The following SLCO1B3 variants were observed in gnomAD, a reference collection of about 807,000 sequenced individuals.
The protein encoded by SLCO1B3 is liver-specific organic anion transporter 2.
Under a neutral mutation model 71.8 loss-of-function variants are expected in SLCO1B3, and 72 were observed. The observed-to-expected ratio is 1.00, with a 90% CI of 0.83 to 1.22. SLCO1B3 has a LOEUF of 1.22. SLCO1B3 is among the 50% of genes most tolerant of loss of function. The pLI is 0.00. For missense variants in SLCO1B3, 911 were observed against 819.7 expected (o/e 1.11, Z -1.36); for synonymous variants, 298 against 278.4 (o/e 1.07, Z -0.70).
At chr12:20,835,405 G>A (rs760361321) in intron 3 of SLCO1B3, among the ~76,000 whole-genome samples, 5 of 152,000 alleles carry the variant, frequency 3.3e-5, no homozygotes, top group African/African-American at 4.8e-5. Flanking sequence ...CTACTGCATT[G>A]CCAGGCTGCA....
chr12:20,883,638 T>C, intron 13 of SLCO1B3, 36 bp downstream of exon 13: 1 of 1,407,690 alleles, frequency 7.1e-7, no homozygotes, highest in Non-Finnish European at 9.7e-7. Context: ...TCATGTATAT[T>C]AGACTAAAAC....
chr12:20,832,635 C>T lies in SLCO1B3; in HGVS notation c.84+16813C>T, dbSNP rs76945517. 7.8e-3 allele frequency among the ~76,000 whole-genome samples: 1,186 copies of T among 152,176 alleles called. 11 individuals are homozygous for T. Among genetic ancestry groups the T allele is most frequent in the African/African-American group, 0.027 (1,136 of 41,522 alleles). On this transcript the variant is annotated intron_variant, in intron 3 of 15. Coordinates refer to ENST00000381545, the MANE Select transcript of SLCO1B3 (RefSeq NM_019844.4). ...GGTTTTATTCTGGGTCTCTTTTCTC[C>T]GGCCATGGTGGCCTTTTTGCTGTTT...
At chr12:20,848,454 A>G (rs1382989629) in intron 3 of SLCO1B3, among the ~76,000 whole-genome samples, 1 of 152,206 alleles carries the variant, frequency 6.6e-6, no homozygotes, top group Non-Finnish European at 1.5e-5. Context: ...AGACAGGCTT[A>G]CTGTACAATC....
intron 3 of SLCO1B3, among the ~76,000 whole-genome samples, chr12:20,837,783 C>A (rs1864714249): frequency 6.6e-6 from 1 of 152,040 alleles, no homozygotes; most frequent in African/African-American, 2.4e-5. Context: ...GTCTATTCTA[C>A]TGTTGTTGGA....
At chr12:20,837,574 A>G (rs554860328) in intron 3 of SLCO1B3, among the ~76,000 whole-genome samples, 7 of 152,056 alleles carry the variant, frequency 4.6e-5, no homozygotes, top group Non-Finnish European at 1.0e-4. Flanking sequence ...TTTGACCTAA[A>G]TGTTACTTAA....
At chr12:20,871,075 A>G (rs536691249) in intron 8 of SLCO1B3, among the ~76,000 whole-genome samples, 6 of 152,174 alleles carry the variant, frequency 3.9e-5, no homozygotes, top group African/African-American at 7.2e-5. Flanking sequence ...TGTATTGTTG[A>G]ATTTGGTTTG....
intron 8 of SLCO1B3, among the ~76,000 whole-genome samples, chr12:20,867,935 A>G (rs1482462834): frequency 6.6e-6 from 1 of 152,104 alleles, no homozygotes; most frequent in African/African-American, 2.4e-5. Flanking sequence ...CCCTAGAGAA[A>G]GCAAGAACAG....
chr12:20,874,497 C>G (rs1427061816), intron 8 of SLCO1B3, among the ~76,000 whole-genome samples: 1 of 152,156 alleles, frequency 6.6e-6, no homozygotes. Context: ...ATTCTGGTAT[C>G]TTGCTGATAT....
intron 8 of SLCO1B3, among the ~76,000 whole-genome samples, chr12:20,871,936 G>A (rs1482545885): frequency 6.6e-6 from 1 of 152,118 alleles, no homozygotes; most frequent in Non-Finnish European, 1.5e-5. Flanking sequence ...AGTTGGCCAA[G>A]CCAGCCAGGT....
intron 3 of SLCO1B3, among the ~76,000 whole-genome samples, chr12:20,826,129 G>A (rs11045530): frequency 0.045 from 6,799 of 151,934 alleles, 401 homozygotes; most frequent in African/African-American, 0.13. Flanking sequence ...AGTGTGTTCC[G>A]GGTGATAAAT....
chr12:20,880,404 CA>C lies in SLCO1B3; in HGVS notation c.1332-450del, dbSNP rs755930432. On this transcript the variant is annotated intron_variant, in intron 11 of 15. Coordinates refer to ENST00000381545, the MANE Select transcript of SLCO1B3 (RefSeq NM_019844.4). ...TGTAAAATTCAACAATGTTAACTAA[CA>C]TGCATAGATTCAGAGGATTTTAAAG... 3.0e-3 allele frequency among the ~76,000 whole-genome samples: 463 copies of C among 151,870 alleles called. 2 individuals carry two copies. The highest frequency in any genetic ancestry group is 4.8e-3 in the Non-Finnish European group (327 of 67,906).
chr12:20,822,589 T>C (rs1829337658), intron 3 of SLCO1B3, among the ~76,000 whole-genome samples: 10 of 152,146 alleles, frequency 6.6e-5, no homozygotes, highest in Admixed American at 6.5e-4. Flanking sequence ...GGGGATGGGA[T>C]GGCTTGGCTT....
chr12:20,874,670 A>G (rs1403474579), intron 8 of SLCO1B3, among the ~76,000 whole-genome samples: 1 of 152,174 alleles, frequency 6.6e-6, no homozygotes, highest in Non-Finnish European at 1.5e-5. Flanking sequence ...AGAGTCCAAT[A>G]TTTCTGGGTT....
intron 15 of SLCO1B3, among the ~76,000 whole-genome samples, chr12:20,909,999 A>C (rs1866343030): frequency 6.6e-6 from 1 of 152,206 alleles, no homozygotes; most frequent in South Asian, 2.1e-4. Context: ...TTTGTCAATA[A>C]GTTCTTTCAT....
chr12:20,833,378 A>C (rs1465394876), intron 3 of SLCO1B3, among the ~76,000 whole-genome samples: 2 of 151,060 alleles, frequency 1.3e-5, no homozygotes, highest in African/African-American at 2.4e-5. Context: ...ATAACATTAC[A>C]TCTATATATT....
chr12:20,869,462 A>G (rs1865438358), intron 8 of SLCO1B3, among the ~76,000 whole-genome samples: 1 of 152,348 alleles, frequency 6.6e-6, no homozygotes, highest in Middle Eastern at 3.4e-3. Flanking sequence ...TGATATTCAT[A>G]TATAATCATA....
chr12:20,821,048 C>T (rs549466756), intron 3 of SLCO1B3, among the ~76,000 whole-genome samples: 115 of 151,532 alleles, frequency 7.6e-4, no homozygotes, highest in Non-Finnish European at 1.4e-3. Context: ...CTCGGCCTGG[C>T]GAGGAGGGGA....
intron 3 of SLCO1B3, among the ~76,000 whole-genome samples, chr12:20,834,095 TATA>T (rs1208932081): frequency 2.1e-5 from 3 of 146,020 alleles, no homozygotes; most frequent in Non-Finnish European, 3.0e-5. Context: ...TATACACATA[TATA>T]ATATATAAAT....
intron 15 of SLCO1B3, 99 bp downstream of exon 15, chr12:20,901,566 G>A (rs1591789916): frequency 1.6e-6 from 1 of 619,874 alleles, no homozygotes; most frequent in East Asian, 3.0e-5. Flanking sequence ...ATTAATGATA[G>A]CTACCATTTA....
Sources: gnomAD v4.1 joint callset for allele counts (sites outside exome capture counted in the v4.1 genomes callset) on GRCh38, gnomAD v4.1.1 for gene constraint, MANE v1.5 for transcripts, NCBI Gene and HGNC (gene_info 2026-07-23, HGNC 2026-07-21) for gene names.